Variants in MARK3 observed in about 807,000 individuals in gnomAD.
MARK3 encodes microtubule affinity regulating kinase 3, also known as MAP/microtubule affinity-regulating kinase 3.
In MARK3, 46 loss-of-function variants were observed where a neutral mutation model predicts 90.1. The observed-to-expected ratio is 0.51, with a 90% CI of 0.40 to 0.65. The LOEUF (loss-of-function observed/expected upper bound fraction) is 0.65. Among genes scored for constraint, MARK3 ranks in the 30% least tolerant of loss-of-function variants. The probability of loss-of-function intolerance (pLI) is 0.00; values close to 1 mark genes in which losing one functional copy is unlikely to be tolerated. For synonymous variants in MARK3, 321 were observed against 332.6 expected (o/e 0.97, Z 0.38); for missense variants, 818 against 947.2 (o/e 0.86, Z 1.79).
At chr14:103,482,476 G>A (rs1464427889) in intron 14 of MARK3, among the ~76,000 whole-genome samples, 9 of 151,936 alleles carry the variant, frequency 5.9e-5, no homozygotes, top group East Asian at 3.9e-4. Flanking sequence ...AGCTGAGATC[G>A]CGCCACTGCA....
At chr14:103,412,434 A>G (rs1284786356) in intron 2 of MARK3, 2 of 573,334 alleles carry the variant, frequency 3.5e-6, no homozygotes, top group Non-Finnish European at 6.2e-6. Context: ...AGAGACTCTG[A>G]AGCCAAAAAT....
intron 15 of MARK3, among the ~76,000 whole-genome samples, chr14:103,496,749 AT>A (rs1262923059): frequency 1.3e-5 from 2 of 152,138 alleles, no homozygotes; most frequent in African/African-American, 2.4e-5. Flanking sequence ...AAGTTGGGAA[AT>A]GGGCCAGGCA....
intron 3 of MARK3, among the ~76,000 whole-genome samples, chr14:103,445,175 C>T (rs1278256227): frequency 6.6e-6 from 1 of 152,104 alleles, no homozygotes; most frequent in African/African-American, 2.4e-5. Context: ...CTGGCTCCAG[C>T]ATATATTAGC....
Position 103,468,185 on chromosome 14 carries a change from T to C in MARK3, c.1263T>C (p.His421=), listed in dbSNP as rs2093551684. 1 of 1,613,364 alleles carries C rather than the reference T, an allele frequency of 6.2e-7. No individual in the cohort carries two copies. The highest frequency in any genetic ancestry group is 8.5e-7 in the Non-Finnish European group (1 of 1,179,678). The change falls in exon 12 of 18, where the codon CAT becomes CAC. Residue 421 remains histidine (H), a splice_region_variant and synonymous_variant. Transcript: ENST00000429436. The part of the protein sequence containing the change: ...SSQKQRRYSD[H]AGPAIPSVVA... ...AAAAGCAAAGACGCTACAGTGACCA[T>C]GGTAAGTTTTGGAGTATCCCAGTGC...
chr14:103,470,423 T>A (rs2141663469), intron 12 of MARK3, among the ~76,000 whole-genome samples: 1 of 148,906 alleles, frequency 6.7e-6, no homozygotes, highest in East Asian at 2.0e-4. Context: ...TTTCCTTTAA[T>A]TCTACTATTC....
intron 12 of MARK3, among the ~76,000 whole-genome samples, chr14:103,473,464 A>C (rs1264295444): frequency 6.6e-6 from 1 of 152,242 alleles, no homozygotes; most frequent in Non-Finnish European, 1.5e-5. Flanking sequence ...AAAGCCAATC[A>C]GTAGTAATCT....
chr14:103,416,231 G>C (rs1595561135), intron 2 of MARK3, among the ~76,000 whole-genome samples: 1 of 152,326 alleles, frequency 6.6e-6, no homozygotes, highest in African/African-American at 2.4e-5. Flanking sequence ...GAGAGAATCG[G>C]TGAGTATAAA....
intron 15 of MARK3, 32 bp from the exon 16 acceptor site, chr14:103,498,470 A>ATTTT: frequency 5.7e-6 from 6 of 1,052,510 alleles, no homozygotes; most frequent in East Asian, 3.8e-5. Flanking sequence ...ATTTTTGTTA[A>ATTTT]TTTTTTTTTT....
intron 2 of MARK3, among the ~76,000 whole-genome samples, chr14:103,424,781 T>C (rs1040400463): frequency 6.6e-6 from 1 of 152,148 alleles, no homozygotes; most frequent in Admixed American, 6.5e-5. Flanking sequence ...AGGTATACCA[T>C]GTAAAATTAC....
At chr14:103,450,866 C>T (rs1249091475) in intron 4 of MARK3, among the ~76,000 whole-genome samples, 1 of 122,666 alleles carries the variant, frequency 8.2e-6, no homozygotes, top group Non-Finnish European at 1.7e-5. Context: ...ACTCCAGTTT[C>T]ATTTTTAAAG....
intron 1 of MARK3, 103 bp from the exon 2 acceptor site, chr14:103,404,973 A>G: frequency 1.3e-6 from 1 of 779,922 alleles, no homozygotes; most frequent in Non-Finnish European, 2.0e-6. Flanking sequence ...CTTTAAGATT[A>G]AAATTAAAGT....
chr14:103,491,796 A>G lies in MARK3; in HGVS notation c.1606A>G (p.Thr536Ala). 3 of 1,614,066 alleles carry G rather than the reference A, an allele frequency of 1.9e-6. No homozygotes were observed. The highest frequency in any genetic ancestry group is 2.5e-6 in the Non-Finnish European group (3 of 1,180,000). Residue 536 changes from threonine to alanine, a missense_variant, in exon 15 of 18, where the codon ACT becomes GCT. Thr to Ala is a moderately conservative substitution (Grantham distance 58). This residue lies in a region of MARK3 where 560 missense variants were observed against 613.5 expected (regional missense o/e 0.91). Coordinates refer to ENST00000429436, the MANE Select transcript of MARK3 (RefSeq NM_001128918.3). ...KENSTIPDQR[T>A]PVASTHSISS... ...TCATAGCACTATTCCTGATCAGAGA[A>G]CTCCAGTTGCTTCAACACACAGTAT...
At chr14:103,389,590 TTGTTTTTG>T (rs1473650704) in intron 1 of MARK3, among the ~76,000 whole-genome samples, 3 of 72 alleles carry the variant, frequency 0.042, no homozygotes, top group Non-Finnish European at 0.079. Flanking sequence ...GTACACTAAT[TTGTTTTTG>T]TTTGTTTGAT....
intron 14 of MARK3, chr14:103,491,391 T>C (rs1335120554): frequency 4.7e-6 from 1 of 210,852 alleles, no homozygotes; most frequent in Non-Finnish European, 9.7e-6. Context: ...TCCAAAACTT[T>C]TTAGTTGCCT....
At chr14:103,487,726 G>A (rs2093953989) in intron 14 of MARK3, among the ~76,000 whole-genome samples, 1 of 152,128 alleles carries the variant, frequency 6.6e-6, no homozygotes, top group South Asian at 2.1e-4. Context: ...ACAAGAGATA[G>A]TTGTATTTAG....
At chr14:103,388,684 C>G (rs1312561179) in intron 1 of MARK3, among the ~76,000 whole-genome samples, 15 of 152,202 alleles carry the variant, frequency 9.9e-5, no homozygotes, top group Admixed American at 9.8e-4. Context: ...TGCCCTCTCC[C>G]TTTCTTAGCC....
intron 2 of MARK3, among the ~76,000 whole-genome samples, chr14:103,420,901 CT>C (rs954799703): frequency 5.3e-5 from 8 of 151,718 alleles, no homozygotes; most frequent in African/African-American, 1.2e-4. Context: ...TATTTAATGC[CT>C]TTTTTTTCAT....
intron 12 of MARK3, among the ~76,000 whole-genome samples, chr14:103,472,344 TA>T (rs1186813729): frequency 6.6e-6 from 1 of 152,060 alleles, no homozygotes; most frequent in African/African-American, 2.4e-5. Flanking sequence ...ATAAAAGACT[TA>T]CAAATTTGAT....
chr14:103,467,651 G>A (rs2093534780), intron 11 of MARK3: 1 of 104,228 alleles, frequency 9.6e-6, no homozygotes, highest in African/African-American at 4.0e-5. Flanking sequence ...CTCCAGCCTG[G>A]GTGACAGAGC....
Sources: gnomAD v4.1 joint callset for allele counts (sites outside exome capture counted in the v4.1 genomes callset) on GRCh38, gnomAD v4.1.1 for gene constraint, gnomAD v4.1.1 regional missense constraint, MANE v1.5 for transcripts, NCBI Gene and HGNC (gene_info 2026-07-23, HGNC 2026-07-21) for gene names.